CACNA2D4: variants seen among roughly 807,000 people sequenced by gnomAD.
CACNA2D4 encodes voltage-dependent calcium channel subunit alpha-2/delta-4.
CACNA2D4 carries 157 observed loss-of-function variants against 163.8 expected under a neutral mutation model. The observed-to-expected ratio is 0.96, with a 90% CI of 0.84 to 1.09. CACNA2D4 has a LOEUF of 1.09. Ranked by LOEUF, CACNA2D4 falls within the 50% of genes least tolerant of loss-of-function variation. The pLI, the probability that CACNA2D4 is intolerant of heterozygous loss-of-function variation, is 0.00. For missense variants in CACNA2D4, 1,410 were observed against 1,479.9 expected, an observed-to-expected ratio of 0.95 and a Z score of 0.78; for synonymous variants, 598 against 586.9, an observed-to-expected ratio of 1.02 and a Z score of -0.27.
At position 1,814,717 on chromosome 12, in the gene CACNA2D4, T is replaced by C. The variant is rs549473177; in HGVS notation, c.2552-2994A>G. On this transcript the variant is annotated intron_variant, in intron 26 of 37. Transcript: ENST00000382722. ...CCTCCATCTCCACCGTTACCACCCTTGGCCAAGCCAACATTGCTCTCACTT... is the reference window on the plus strand; with the variant it reads ...CCTCCATCTCCACCGTTACCACCCTCGGCCAAGCCAACATTGCTCTCACTT... Among the ~76,000 whole-genome samples the C allele has an allele frequency of 2.2e-4, 34 of 152,316 alleles. No homozygotes were observed. The South Asian group carries it at 4.6e-3, about 20-fold the overall frequency.
At chr12:1,830,850 T>C in intron 26 of CACNA2D4, 4 of 1,155,158 alleles carry the variant, frequency 3.5e-6, no homozygotes, top group Non-Finnish European at 4.8e-6. Context: ...CAAGAGCCTG[T>C]TATGAGCTAG....
At chr12:1,821,506 G>A (rs1333598803) in intron 26 of CACNA2D4, among the ~76,000 whole-genome samples, 1 of 152,232 alleles carries the variant, frequency 6.6e-6, no homozygotes, top group Non-Finnish European at 1.5e-5. Flanking sequence ...CCAAGGGCAA[G>A]ACAGGAGAAC....
At chr12:1,808,754 C>T (rs943683230) in intron 29 of CACNA2D4, among the ~76,000 whole-genome samples, 2 of 152,182 alleles carry the variant, frequency 1.3e-5, no homozygotes, top group Non-Finnish European at 2.9e-5. Context: ...CGAGAGGGGT[C>T]GGAGCACGAA....
chr12:1,828,266 G>A lies in CACNA2D4; in HGVS notation c.2551+12473C>T, dbSNP rs375075053. On this transcript the variant is annotated intron_variant, in intron 26 of 37. Transcript: ENST00000382722. This position sits in a 1 kb window ranked among gnomAD's most constrained non-coding sequence, Gnocchi z 4.2. ...GGGGTGCGGGTTGGGTGGGGGTGCC[G>A]AGGTGACTGTAGGTAGCGCCATATG... The A allele has an allele frequency of 9.8e-5, 144 of 1,472,008 alleles. 1 individual carries two copies. The highest frequency in any genetic ancestry group is 3.0e-4 in the Admixed American group (14 of 46,340). The allele number at this position is 1,472,008 out of a possible 1,614,324, so 91.2% of individuals were successfully genotyped here. A position where few individuals can be genotyped will look rare whatever the true frequency, so the allele number is the denominator to read the frequency against.
intron 6 of CACNA2D4, among the ~76,000 whole-genome samples, chr12:1,888,403 G>T (rs1200452569): frequency 2.0e-5 from 3 of 152,188 alleles, no homozygotes; most frequent in East Asian, 3.8e-4. Flanking sequence ...CACAAGCAAA[G>T]ATTCCCAAAT....
At chr12:1,860,254 C>T (rs372961931) in intron 18 of CACNA2D4, 48 bp from the exon 19 acceptor site, 196 of 1,491,494 alleles carry the variant, frequency 1.3e-4, no homozygotes, top group East Asian at 5.7e-4. Flanking sequence ...AAGAGCGGCC[C>T]CCAGCCCCCA....
chr12:1,834,762 G>A lies in CACNA2D4; in HGVS notation c.2551+5977C>T, dbSNP rs1458308005. ...CGGCCAGGTAGGAAGGGCGGGGAGA[G>A]CACACGGCATTGCTCAGCCACAGCT... is the stretch of plus-strand genomic sequence containing the variant. On this transcript the variant is annotated intron_variant, in intron 26 of 37. Transcript: ENST00000382722. This position sits in a 1 kb window ranked among gnomAD's most constrained non-coding sequence, Gnocchi z 7.6. 1.3e-6 allele frequency: 2 copies of A among 1,542,442 alleles called. No individual in the cohort carries two copies. Among genetic ancestry groups the A allele is most frequent in the Admixed American group, 1.8e-5 (1 of 54,972 alleles).
chr12:1,795,086 T>C (rs1863072468), intron 37 of CACNA2D4: 1 of 586,400 alleles, frequency 1.7e-6, no homozygotes, highest in Admixed American at 3.0e-5. Flanking sequence ...TTTTAGGAGC[T>C]TGCCAGGAAT....
intron 6 of CACNA2D4, among the ~76,000 whole-genome samples, chr12:1,902,753 T>C (rs183466325): frequency 3.7e-4 from 56 of 152,084 alleles, no homozygotes; most frequent in Non-Finnish European, 1.0e-4. Context: ...TGTTCATGGA[T>C]TGGAAGAATT....
chr12:1,845,522 G>T (rs1865125174), intron 24 of CACNA2D4, among the ~76,000 whole-genome samples: 1 of 152,204 alleles, frequency 6.6e-6, no homozygotes, highest in Non-Finnish European at 1.5e-5. Context: ...GGCGCTCCGT[G>T]GCTGGGCGTG....
At position 1,911,409 on chromosome 12, in the gene CACNA2D4, C is replaced by G. The variant is rs370854237; in HGVS notation, c.427-1444G>C. ...GAAGTGCTTTGGGAGTCAGAGGACCCAAGATCCTATTCTGGCTTTGTCAGG... is the reference window on the plus strand; with the variant it reads ...GAAGTGCTTTGGGAGTCAGAGGACCGAAGATCCTATTCTGGCTTTGTCAGG... On this transcript the variant is annotated intron_variant, in intron 3 of 37. Transcript: ENST00000382722. 2.6e-5 allele frequency among the ~76,000 whole-genome samples: 4 copies of G among 152,076 alleles called. No homozygotes were observed. In the East Asian group the frequency reaches 7.7e-4, roughly 29 times the overall value.
At chr12:1,810,223 G>A (rs1446326476) in intron 29 of CACNA2D4, 55 bp downstream of exon 29, 7 of 1,462,530 alleles carry the variant, frequency 4.8e-6, no homozygotes, top group Non-Finnish European at 6.7e-6. Context: ...GCTGCCCAAT[G>A]TCTCCAGTCC....
At chr12:1,840,388 G>GCCAGCCTTCCTTTCAGCTA (rs1864989024) in intron 26 of CACNA2D4, among the ~76,000 whole-genome samples, 2 of 144,688 alleles carry the variant, frequency 1.4e-5, no homozygotes, top group African/African-American at 5.1e-5. Flanking sequence ...CTATTAACCC[G>GCCAGCCTTCCTTTCAGCTA]CAGGAAGTGT....
chr12:1,819,253 G>A (rs928677975), intron 26 of CACNA2D4, among the ~76,000 whole-genome samples: 1 of 152,166 alleles, frequency 6.6e-6, no homozygotes, highest in Non-Finnish European at 1.5e-5. Flanking sequence ...TTATGGGGAG[G>A]TGGGAGCCTC....
At chr12:1,911,066 C>T (rs1866803863) in intron 3 of CACNA2D4, among the ~76,000 whole-genome samples, 1 of 148,812 alleles carries the variant, frequency 6.7e-6, no homozygotes, top group Admixed American at 6.7e-5. Context: ...CTCTGTCACC[C>T]AGGCTGGAGT....
chr12:1,853,835 C>T (rs1397213444), intron 23 of CACNA2D4, 116 bp downstream of exon 23: 1 of 742,420 alleles, frequency 1.3e-6, no homozygotes, highest in East Asian at 2.7e-5. Flanking sequence ...TAATCTTAGG[C>T]CAAAGGACGT....
chr12:1,813,304 GC>G (rs1484029558), intron 26 of CACNA2D4, among the ~76,000 whole-genome samples: 1 of 152,156 alleles, frequency 6.6e-6, no homozygotes, highest in Non-Finnish European at 1.5e-5. Flanking sequence ...TCCAGGGTGG[GC>G]CTGAGAGTTT....
rs545412219 is a variant in CACNA2D4, at chr12:1,917,047, G to A, written c.227+1200C>T. On this transcript the variant is annotated intron_variant, in intron 1 of 37. Coordinates refer to ENST00000382722, the MANE Select transcript of CACNA2D4 (RefSeq NM_172364.5). This position sits in a 1 kb window ranked among gnomAD's most constrained non-coding sequence, Gnocchi z 4.3. Reference sequence around the variant, plus strand: ...GTGTTCTGGGGATGAAAATTGTTCTGAACATCTCCTGCAGCAACAGATAGC... The same window carrying A: ...GTGTTCTGGGGATGAAAATTGTTCTAAACATCTCCTGCAGCAACAGATAGC... 3.9e-5 allele frequency among the ~76,000 whole-genome samples: 6 copies of A among 152,248 alleles called. No homozygotes were observed. The highest frequency in any genetic ancestry group is 1.4e-4 in the African/African-American group (6 of 41,560).
At chr12:1,850,277 T>A (rs934451643) in intron 23 of CACNA2D4, among the ~76,000 whole-genome samples, 1 of 152,212 alleles carries the variant, frequency 6.6e-6, no homozygotes, top group African/African-American at 2.4e-5. Context: ...AGGCGAGAAG[T>A]CCAATCTGGG....
Sources: allele counts gnomAD v4.1 joint callset (sites outside exome capture counted in the v4.1 genomes callset), GRCh38; gene constraint gnomAD v4.1.1; non-coding constraint Gnocchi (gnomAD v3.1); transcripts MANE v1.5; gene names NCBI Gene and HGNC (gene_info 2026-07-23, HGNC 2026-07-21).